IFTAP: variants seen among roughly 807,000 people sequenced by gnomAD.
IFTAP encodes intraflagellar transport-associated protein.
IFTAP carries 19 observed loss-of-function variants against 19.4 expected under a neutral mutation model. That is an observed-to-expected ratio of 0.98 (90% confidence interval 0.68 to 1.44). The LOEUF (loss-of-function observed/expected upper bound fraction) is 1.44, where lower values mean the gene tolerates loss of function less well. Among genes scored for constraint, IFTAP ranks in the 40% most tolerant of loss-of-function variants. The pLI is 0.00. For missense variants in IFTAP, 240 were observed against 253.6 expected (o/e 0.95, Z 0.36); for synonymous variants, 85 against 83.5 (o/e 1.02, Z -0.10).
At chr11:36,610,029 A>G in intron 1 of IFTAP, 52 bp from the exon 2 acceptor site, 1 of 1,504,578 alleles carries the variant, frequency 6.6e-7, no homozygotes, top group Non-Finnish European at 9.0e-7. Context: ...AATATTTTCA[A>G]AGGGGCTGGT....
At chr11:36,641,579 C>T (rs183364493) in intron 4 of IFTAP, among the ~76,000 whole-genome samples, 8 of 152,232 alleles carry the variant, frequency 5.3e-5, no homozygotes, top group African/African-American at 1.2e-4. Context: ...TGTAGTTGAG[C>T]GGTTTTGAGT....
intron 2 of IFTAP, among the ~76,000 whole-genome samples, chr11:36,632,786 C>T (rs7937683): frequency 0.16 from 24,232 of 150,986 alleles, 3,521 homozygotes; most frequent in African/African-American, 0.34. Context: ...ATGATTCCTT[C>T]TGGATTTTTA....
intron 2 of IFTAP, among the ~76,000 whole-genome samples, chr11:36,627,811 G>A (rs926100460): frequency 6.6e-6 from 1 of 150,838 alleles, no homozygotes; most frequent in African/African-American, 2.5e-5. Flanking sequence ...TTATCATGCT[G>A]TATTTGCACC....
At chr11:36,641,994 C>T (rs997038452) in intron 4 of IFTAP, among the ~76,000 whole-genome samples, 10 of 152,042 alleles carry the variant, frequency 6.6e-5, no homozygotes, top group African/African-American at 2.2e-4. Flanking sequence ...ATAGTTAGCT[C>T]TTCTTGTTGA....
At chr11:36,643,830 CT>C (rs1853343046) in intron 4 of IFTAP, among the ~76,000 whole-genome samples, 1 of 152,144 alleles carries the variant, frequency 6.6e-6, no homozygotes, top group Non-Finnish European at 1.5e-5. Context: ...TTCCTTACAC[CT>C]TGTACAAAAA....
In IFTAP at chr11:36,597,620, G is replaced by A. The variant is rs1306842372; in HGVS notation, c.-24+3028G>A. The A allele has an allele frequency of 2.0e-5, 3 of 152,128 alleles. No individual in the cohort carries two copies. The East Asian group carries it at 5.8e-4, about 29-fold the overall frequency. The allele number at this position is 152,128 out of a possible 1,614,324, so 9.4% of individuals were successfully genotyped here. On this transcript the variant is annotated intron_variant, in intron 1 of 5. Coordinates refer to ENST00000334307, the MANE Select transcript of IFTAP (RefSeq NM_138787.4). ...TCTGGGTTTATAGTTCCTAATATCTGAACTGACTTTTTCTTTTCCAAAGAA... is the reference window on the plus strand; with the variant it reads ...TCTGGGTTTATAGTTCCTAATATCTAAACTGACTTTTTCTTTTCCAAAGAA...
rs572375215 is a variant in IFTAP at position 36,596,848 on chromosome 11, C to T, written c.-24+2256C>T. 6.6e-5 allele frequency among the ~76,000 whole-genome samples: 10 copies of T among 152,270 alleles called. No individual in the cohort carries two copies. The East Asian group carries it at 1.4e-3, about 21-fold the overall frequency. On this transcript the variant is annotated intron_variant, in intron 1 of 5. Transcript: ENST00000334307. The stretch of plus-strand genomic sequence containing the variant: ...GGTTGCTGTAGGAATTGTGGCTTCT[C>T]GTAAGTGAAAACATGATTATTGTAG...
intron 4 of IFTAP, among the ~76,000 whole-genome samples, chr11:36,647,287 A>G (rs1853524846): frequency 6.6e-6 from 1 of 152,032 alleles, no homozygotes; most frequent in Non-Finnish European, 1.5e-5. Flanking sequence ...TTCTGCTTCT[A>G]ATTGTTTTTT....
chr11:36,654,894 A>C (rs1476147029), intron 5 of IFTAP, among the ~76,000 whole-genome samples: 2 of 152,122 alleles, frequency 1.3e-5, no homozygotes, highest in African/African-American at 4.8e-5. Context: ...TTCTGGCTCC[A>C]GGCTTATCCC....
chr11:36,607,906 C>T (rs972338315), intron 1 of IFTAP, among the ~76,000 whole-genome samples: 1 of 152,170 alleles, frequency 6.6e-6, no homozygotes, highest in African/African-American at 2.4e-5. Context: ...CTTCCAGCCT[C>T]AGGTGATCCA....
intron 2 of IFTAP, among the ~76,000 whole-genome samples, chr11:36,617,379 T>A (rs1050252585): frequency 3.3e-5 from 5 of 151,728 alleles, no homozygotes; most frequent in African/African-American, 4.8e-5. Flanking sequence ...TTTATGAAAG[T>A]ATAGATTTCC....
At chr11:36,657,023 A>G (rs1854021356) in intron 5 of IFTAP, among the ~76,000 whole-genome samples, 1 of 152,124 alleles carries the variant, frequency 6.6e-6, no homozygotes, top group African/African-American at 2.4e-5. Flanking sequence ...TTAAAGACCT[A>G]GTATAGGGGA....
chr11:36,623,845 A>G (rs778601130), intron 2 of IFTAP, among the ~76,000 whole-genome samples: 23 of 149,236 alleles, frequency 1.5e-4, no homozygotes, highest in South Asian at 1.1e-3. Context: ...GGTACTTGGT[A>G]GTTTTAAAGA....
At chr11:36,652,537 C>G (rs1340746108) in intron 5 of IFTAP, among the ~76,000 whole-genome samples, 1 of 152,026 alleles carries the variant, frequency 6.6e-6, no homozygotes, top group Non-Finnish European at 1.5e-5. Context: ...AATTGAATAC[C>G]CTTTATTTCT....
chr11:36,648,333 A>C, intron 5 of IFTAP, 178 bp downstream of exon 5: 1 of 729,708 alleles, frequency 1.4e-6, no homozygotes, highest in Non-Finnish European at 2.1e-6. Flanking sequence ...CTTTTTAAAC[A>C]CATAGAGCAA....
chr11:36,613,686 T>G (rs550370686), intron 2 of IFTAP, among the ~76,000 whole-genome samples: 1 of 152,088 alleles, frequency 6.6e-6, no homozygotes, highest in South Asian at 2.1e-4. Flanking sequence ...GAACCCAAAC[T>G]TGCCTTGGGC....
intron 4 of IFTAP, among the ~76,000 whole-genome samples, chr11:36,647,349 C>T (rs775512344): frequency 5.9e-5 from 9 of 152,022 alleles, no homozygotes; most frequent in Non-Finnish European, 8.8e-5. Context: ...GTGATGCATC[C>T]ATGTACTATC....
At chr11:36,610,325 C>A in intron 2 of IFTAP, 86 bp downstream of exon 2, 1 of 1,226,348 alleles carries the variant, frequency 8.2e-7, no homozygotes, top group South Asian at 1.5e-5. Context: ...TTGAGAAAGA[C>A]TATTTAGTGA....
At chr11:36,603,922 CAAAA>C (rs562737848) in intron 1 of IFTAP, among the ~76,000 whole-genome samples, 31 of 113,764 alleles carry the variant, frequency 2.7e-4, no homozygotes, top group African/African-American at 9.4e-4. Flanking sequence ...AACTCAGTCT[CAAAA>C]AAAAAAAAAA....
Sources: gnomAD v4.1 joint callset for allele counts (sites outside exome capture counted in the v4.1 genomes callset) on GRCh38, gnomAD v4.1.1 for gene constraint, MANE v1.5 for transcripts, NCBI Gene and HGNC (gene_info 2026-07-23, HGNC 2026-07-21) for gene names.